Variants in DPYSL3 observed in about 807,000 individuals in gnomAD.
The protein encoded by DPYSL3 is dihydropyrimidinase like 3.
Under a neutral mutation model 66.1 loss-of-function variants are expected in DPYSL3, and 16 were observed. That is an observed-to-expected ratio of 0.24 (90% CI 0.16 to 0.37). DPYSL3 has a LOEUF of 0.37. Among genes scored for constraint, DPYSL3 ranks in the 10% least tolerant of loss-of-function variants. The pLI, the probability that DPYSL3 is intolerant of heterozygous loss-of-function variation, is 1.00. For missense variants in DPYSL3, 738 were observed against 916.2 expected (o/e 0.81, Z 2.51); for synonymous variants, 338 against 345.1 (o/e 0.98, Z 0.23).
chr5:147,455,269 C>A (rs926247743), intron 1 of DPYSL3, among the ~76,000 whole-genome samples: 1 of 152,202 alleles, frequency 6.6e-6, no homozygotes, highest in African/African-American at 2.4e-5. Flanking sequence ...CAAGGACACA[C>A]AAAGCCCCCC....
chr5:147,447,668 C>G (rs571514640), intron 1 of DPYSL3, among the ~76,000 whole-genome samples: 1 of 152,002 alleles, frequency 6.6e-6, no homozygotes, highest in Non-Finnish European at 1.5e-5. Flanking sequence ...GTCGGGAGTT[C>G]GAGACCAGCC....
intron 1 of DPYSL3, among the ~76,000 whole-genome samples, chr5:147,486,675 A>C (rs1464521062): frequency 6.6e-6 from 1 of 152,176 alleles, no homozygotes; most frequent in African/African-American, 2.4e-5. Flanking sequence ...TTAACCCTGA[A>C]GAGACTCATG....
chr5:147,412,738 C>T, intron 5 of DPYSL3, 50 bp from the exon 6 acceptor site: 1 of 1,537,824 alleles, frequency 6.5e-7, no homozygotes, highest in East Asian at 2.3e-5. Context: ...TTTAGCAGCC[C>T]CACAGAAGGG....
chr5:147,502,207 G>A (rs532304734), intron 1 of DPYSL3, among the ~76,000 whole-genome samples: 52 of 152,182 alleles, frequency 3.4e-4, no homozygotes, highest in Admixed American at 3.3e-4. Flanking sequence ...CCCCATTCAT[G>A]AGGGCACCAC....
chr5:147,453,309 A>G (rs1752773168), intron 1 of DPYSL3, among the ~76,000 whole-genome samples: 2 of 152,280 alleles, frequency 1.3e-5, no homozygotes, highest in South Asian at 2.1e-4. Context: ...TAAATAATCC[A>G]AAGTTCTCCG....
intron 8 of DPYSL3, among the ~76,000 whole-genome samples, chr5:147,402,568 T>C (rs6879557): frequency 0.084 from 11,629 of 137,908 alleles, 1,796 homozygotes; most frequent in African/African-American, 0.32. Context: ...AGGATGGTCT[T>C]GATCTCCTGA....
At chr5:147,408,869 G>A (rs1361334506) in intron 6 of DPYSL3, 73 bp from the exon 7 acceptor site, 8 of 1,359,820 alleles carry the variant, frequency 5.9e-6, no homozygotes, top group Admixed American at 3.6e-5. Context: ...GGTATGTTCT[G>A]ATCTAAAGAT....
intron 2 of DPYSL3, among the ~76,000 whole-genome samples, chr5:147,421,540 T>C (rs1318005380): frequency 1.3e-5 from 2 of 152,152 alleles, no homozygotes; most frequent in Non-Finnish European, 2.9e-5. Flanking sequence ...GAAAAACAGC[T>C]TGTATATCCA....
Position 147,467,133 on chromosome 5 carries a change from G to C in DPYSL3, c.382-42170C>G, listed in dbSNP as rs557084709. ...GCCAGGCACTTATTTTTTCACTGGA[G>C]ACATAAACATAAGAGGCAAAAAACA... On this transcript the variant is annotated intron_variant, in intron 1 of 13. Coordinates refer to ENST00000343218, the MANE Select transcript of DPYSL3 (RefSeq NM_001197294.2). Among the ~76,000 whole-genome samples, 150 of 152,202 alleles carry C rather than the reference G, an allele frequency of 9.9e-4. 1 individual carries two copies. Among genetic ancestry groups the C allele is most frequent in the Non-Finnish European group, 6.3e-4 (43 of 68,012 alleles).
At chr5:147,491,494 G>A (rs1203332514) in intron 1 of DPYSL3, among the ~76,000 whole-genome samples, 1 of 151,988 alleles carries the variant, frequency 6.6e-6, no homozygotes, top group Non-Finnish European at 1.5e-5. Context: ...ATCAAAAGAA[G>A]GCATTTAGAC....
chr5:147,452,881 G>GCACACACACATA (rs1752760421), intron 1 of DPYSL3, among the ~76,000 whole-genome samples: 2 of 137,352 alleles, frequency 1.5e-5, no homozygotes, highest in Non-Finnish European at 3.2e-5. Flanking sequence ...TGCATCGAAG[G>GCACACACACATA]CACACACACA....
chr5:147,431,655 C>T (rs1414707647), intron 1 of DPYSL3, among the ~76,000 whole-genome samples: 1 of 152,102 alleles, frequency 6.6e-6, no homozygotes, highest in African/African-American at 2.4e-5. Flanking sequence ...ATATAACAGA[C>T]CTTGCCATAA....
rs78650197 is a variant in DPYSL3 at position 147,469,002 on chromosome 5, C to T, written c.381+40476G>A. ...CGAATACAATGTACGCTATTTTCCA[C>T]GACAACACCAATAAAACAGAAGAAT... On this transcript the variant is annotated intron_variant, in intron 1 of 13. Transcript: ENST00000343218. Among the ~76,000 whole-genome samples the T allele has an allele frequency of 5.3e-3, 806 of 152,292 alleles. 33 individuals carry two copies. The East Asian group carries it at 0.11, about 21-fold the overall frequency.
In DPYSL3 at chr5:147,391,300, A is replaced by G. The variant is rs1757792579; in HGVS notation, c.*2735T>C. On this transcript the variant is annotated 3_prime_UTR_variant, in exon 14 of 14. Transcript: ENST00000343218. ...AAGTAAACCCATTTTCAGGATGACTACAATCCTTCCACTTCTAGAAAACTT... is the reference window on the plus strand; with the variant it reads ...AAGTAAACCCATTTTCAGGATGACTGCAATCCTTCCACTTCTAGAAAACTT... 1 of 152,674 alleles carries G rather than the reference A, an allele frequency of 6.5e-6. No homozygotes were observed. Among genetic ancestry groups the G allele is most frequent in the Non-Finnish European group, 1.5e-5 (1 of 68,052 alleles). 9.5% of individuals were successfully genotyped at this position (152,674 alleles called of 1,614,324 possible).
intron 1 of DPYSL3, among the ~76,000 whole-genome samples, chr5:147,501,846 G>A (rs1753616994): frequency 6.6e-6 from 1 of 152,150 alleles, no homozygotes; most frequent in Admixed American, 6.5e-5. Flanking sequence ...TGTTGCCAGT[G>A]AAGGAGGCTG....
At chr5:147,451,744 A>T (rs1360759269) in intron 1 of DPYSL3, among the ~76,000 whole-genome samples, 1 of 152,258 alleles carries the variant, frequency 6.6e-6, no homozygotes, top group African/African-American at 2.4e-5. Flanking sequence ...ATAGAATAGC[A>T]TGAGAGCTGT....
chr5:147,492,685 T>C (rs1240295576), intron 1 of DPYSL3, among the ~76,000 whole-genome samples: 1 of 152,042 alleles, frequency 6.6e-6, no homozygotes, highest in Non-Finnish European at 1.5e-5. Context: ...ATAAATGATA[T>C]GCTAAGAAAG....
intron 1 of DPYSL3, among the ~76,000 whole-genome samples, chr5:147,462,818 G>A (rs553325535): frequency 3.3e-5 from 5 of 152,210 alleles, no homozygotes; most frequent in Admixed American, 6.5e-5. Context: ...AAAAAGCCAC[G>A]TGGAGGTCAC....
chr5:147,509,529 G>A lies in DPYSL3; in HGVS notation c.330C>T (p.Ile110=), dbSNP rs1753727830. ...ACACCTCTTTGCCGGTGGCGCTCCG[G>A]ATCTCTACCCCGGCGGGGGCGGGGG... The part of the protein sequence containing the change: ...PASPAPAGVE[I]RSATGKEVLQ... The change falls in exon 1 of 14, where the codon ATC becomes ATT. Residue 110 remains isoleucine, a synonymous_variant. Coordinates refer to ENST00000343218, the MANE Select transcript of DPYSL3 (RefSeq NM_001197294.2). The surrounding 1 kb of genome is among the most constrained non-coding windows in gnomAD (Gnocchi z 5.3). The A allele has an allele frequency of 1.3e-6, 2 of 1,534,464 alleles. No individual in the cohort carries two copies. Among genetic ancestry groups the A allele is most frequent in the Middle Eastern group, 1.7e-4 (1 of 5,776 alleles).
Sources: allele counts gnomAD v4.1 joint callset (sites outside exome capture counted in the v4.1 genomes callset), GRCh38; gene constraint gnomAD v4.1.1; non-coding constraint Gnocchi (gnomAD v3.1); transcripts MANE v1.5; gene names NCBI Gene and HGNC (gene_info 2026-07-23, HGNC 2026-07-21).